ATP6V1A: variants seen among roughly 807,000 people sequenced by gnomAD.
The protein encoded by ATP6V1A is ATPase H+ transporting V1 subunit A.
A neutral mutation model predicts 70.1 loss-of-function variants in ATP6V1A; 18 were observed. The observed-to-expected ratio is 0.26, with a 90% CI of 0.18 to 0.38. The LOEUF (loss-of-function observed/expected upper bound fraction) is 0.38, where lower values mean the gene tolerates loss of function less well. Ranked by LOEUF, ATP6V1A falls within the 10% of genes least tolerant of loss-of-function variation. The probability of loss-of-function intolerance (pLI) is 1.00; values close to 1 mark genes in which losing one functional copy is unlikely to be tolerated. For synonymous variants in ATP6V1A, 232 were observed against 253.8 expected, an observed-to-expected ratio of 0.91 and a Z score of 0.82; for missense variants, 424 against 772.4, an observed-to-expected ratio of 0.55 and a Z score of 5.35.
At chr3:113,796,544 A>C (rs557400881) in intron 11 of ATP6V1A, among the ~76,000 whole-genome samples, 1 of 152,292 alleles carries the variant, frequency 6.6e-6, no homozygotes, top group Non-Finnish European at 1.5e-5. Flanking sequence ...CTGCCTAAGC[A>C]TTTGCTTTCC....
chr3:113,805,644 C>T (rs1368980340), intron 14 of ATP6V1A, 119 bp downstream of exon 14: 2 of 961,642 alleles, frequency 2.1e-6, no homozygotes, highest in South Asian at 1.7e-5. Flanking sequence ...TCTTGTCTCA[C>T]TGCAACCTCT....
chr3:113,772,465 C>T (rs535671631), intron 1 of ATP6V1A, among the ~76,000 whole-genome samples: 37 of 152,276 alleles, frequency 2.4e-4, no homozygotes, highest in South Asian at 6.2e-4. Context: ...CCATGGCTCA[C>T]GCCTGTAATC....
At chr3:113,792,862 A>T (rs767675463) in intron 8 of ATP6V1A, among the ~76,000 whole-genome samples, 4 of 152,192 alleles carry the variant, frequency 2.6e-5, no homozygotes, top group Non-Finnish European at 4.4e-5. Context: ...TGTACCCAGC[A>T]CTTAGATTTG....
At position 113,788,972 on chromosome 3, in the gene ATP6V1A, T is replaced by A. The variant is rs546576090; in HGVS notation, c.879+97T>A. On this transcript the variant is annotated intron_variant, in intron 7 of 14. Coordinates refer to ENST00000273398, the MANE Select transcript of ATP6V1A (RefSeq NM_001690.4). ...CTTTGTGTTGGGTCTGGAGCAATGC[T>A]GTCATTCGTCAAGGATCTTTAAGGA... 186 of 1,072,410 alleles carry A rather than the reference T, an allele frequency of 1.7e-4. 1 individual carries two copies. The Admixed American group carries it at 4.4e-3, about 26-fold the overall frequency. 66.4% of individuals were successfully genotyped at this position (1,072,410 alleles called of 1,614,324 possible).
chr3:113,764,711 C>A (rs1239263476), intron 1 of ATP6V1A, among the ~76,000 whole-genome samples: 3 of 151,982 alleles, frequency 2.0e-5, no homozygotes, highest in Non-Finnish European at 4.4e-5. Flanking sequence ...CCTAAAAATT[C>A]AAATGTGGGA....
rs188780524 is a variant in ATP6V1A, at chr3:113,803,845, T to C, written c.1589+168T>C. Among the ~76,000 whole-genome samples, 269 of 152,322 alleles carry C rather than the reference T, an allele frequency of 1.8e-3. 1 individual carries two copies. The highest frequency in any genetic ancestry group is 6.2e-3 in the African/African-American group (256 of 41,570). On this transcript the variant is annotated intron_variant, in intron 13 of 14. Transcript: ENST00000273398. Reference sequence around the variant, plus strand: ...TAGACATGATCTAATATGTCCCCTATCTTGATTTGCTCATTTGTCCAATTA... The same window carrying C: ...TAGACATGATCTAATATGTCCCCTACCTTGATTTGCTCATTTGTCCAATTA...
chr3:113,806,050 A>T (rs891539256), intron 14 of ATP6V1A, among the ~76,000 whole-genome samples: 2 of 152,134 alleles, frequency 1.3e-5, no homozygotes, highest in African/African-American at 4.8e-5. Context: ...AGGCAGGAGG[A>T]TGACTTGAGC....
intron 1 of ATP6V1A, among the ~76,000 whole-genome samples, chr3:113,774,311 G>GA (rs1249277048): frequency 6.6e-6 from 1 of 152,092 alleles, no homozygotes; most frequent in Non-Finnish European, 1.5e-5. Flanking sequence ...GGACACTTTA[G>GA]AAAAAAGGCA....
Position 113,789,801 on chromosome 3 carries a change from A to G in ATP6V1A, c.949A>G (p.Asn317Asp), listed in dbSNP as rs778536266. ...GACAGCTTTGGTAGCCAATACCTCC[A>G]ATATGCCTGTTGCTGCTAGAGAAGC... ...KRTALVANTS[N>D]MPVAAREASI... Residue 317 changes from asparagine to aspartate, a missense_variant, in exon 8 of 15, where the codon AAT becomes GAT. Physicochemically the swap from Asn to Asp is conservative, Grantham distance 23. Coordinates refer to ENST00000273398, the MANE Select transcript of ATP6V1A (RefSeq NM_001690.4). The G allele has an allele frequency of 6.2e-7, 1 of 1,612,468 alleles. No individual in the cohort carries two copies. Among genetic ancestry groups the G allele is most frequent in the Non-Finnish European group, 8.5e-7 (1 of 1,178,526 alleles).
intron 14 of ATP6V1A, among the ~76,000 whole-genome samples, 191 bp downstream of exon 14, chr3:113,805,716 G>A (rs1376400741): frequency 2.0e-5 from 3 of 152,068 alleles, no homozygotes; most frequent in East Asian, 1.9e-4. Context: ...CGACAGGTGC[G>A]TGCCAGCACG....
rs58516178 is a variant in ATP6V1A at position 113,749,263 on chromosome 3, T to TCACACACACACACACACA, written c.-14+2176_-14+2193dup. On this transcript the variant is annotated intron_variant, in intron 1 of 14. Transcript: ENST00000273398. ...AAAAAGCTTTGACATTATACACAGATCACACACACACACACACACACACAC... is the reference window on the plus strand; with the variant it reads ...AAAAAGCTTTGACATTATACACAGATCACACACACACACACACACACACACACACACACACACACACAC... 3.2e-4 allele frequency among the ~76,000 whole-genome samples: 45 copies of TCACACACACACACACACA among 141,260 alleles called. 1 individual carries two copies. The highest frequency in any genetic ancestry group is 1.1e-3 in the African/African-American group (42 of 37,952). The allele number at this position is 141,260 out of a possible 152,430, so 92.7% of individuals were successfully genotyped here. A position where few individuals can be genotyped will look rare whatever the true frequency, so the allele number is the denominator to read the frequency against.
chr3:113,792,902 A>G (rs996475602), intron 8 of ATP6V1A, among the ~76,000 whole-genome samples: 3 of 152,224 alleles, frequency 2.0e-5, no homozygotes, highest in African/African-American at 7.2e-5. Flanking sequence ...TTCTTGCTTT[A>G]TTAGATACCT....
intron 14 of ATP6V1A, among the ~76,000 whole-genome samples, chr3:113,809,095 G>GAA (rs140365108): frequency 8.0e-5 from 12 of 149,692 alleles, no homozygotes; most frequent in South Asian, 4.3e-4. Context: ...CTAAAAATAT[G>GAA]AAAAAAAAAA....
Position 113,805,394 on chromosome 3 carries a change from A to T in ATP6V1A, c.1630A>T (p.Met544Leu). Residue 544 changes from methionine to leucine, a missense_variant, in exon 14 of 15, where the codon ATG becomes TTG. Coordinates refer to ENST00000273398, the MANE Select transcript of ATP6V1A (RefSeq NM_001690.4). ...CAAGACAGTAGGGATGCTGTCCAAC[A>T]TGATTGCATTTTATGATATGGCTCG... is the stretch of plus-strand genomic sequence containing the variant. ...FYKTVGMLSN[M>L]IAFYDMARRA... is the part of the protein sequence containing the mutation. The T allele has an allele frequency of 6.2e-7, 1 of 1,614,134 alleles. No individual in the cohort carries two copies. The highest frequency in any genetic ancestry group is 8.5e-7 in the Non-Finnish European group (1 of 1,180,006).
intron 1 of ATP6V1A, among the ~76,000 whole-genome samples, chr3:113,764,644 A>G (rs1455832962): frequency 1.3e-5 from 2 of 152,160 alleles, no homozygotes; most frequent in African/African-American, 4.8e-5. Context: ...GCTTTAAATC[A>G]ATAGGATCTT....
At chr3:113,786,776 C>CTT (rs200785807) in intron 6 of ATP6V1A, among the ~76,000 whole-genome samples, 5 of 142,784 alleles carry the variant, frequency 3.5e-5, no homozygotes, top group Non-Finnish European at 6.2e-5. Flanking sequence ...TCTTCTTCTT[C>CTT]TTTTTTTTTT....
chr3:113,808,444 A>G (rs1337258793), intron 14 of ATP6V1A, among the ~76,000 whole-genome samples: 2 of 151,840 alleles, frequency 1.3e-5, no homozygotes, highest in Admixed American at 1.3e-4. Flanking sequence ...GGTGCACGCC[A>G]CCATGCCCAG....
rs1239380525 is a variant in ATP6V1A at position 113,795,186 on chromosome 3, G to A, written c.1208G>A (p.Ser403Asn). 1 of 1,614,110 alleles carries A rather than the reference G, an allele frequency of 6.2e-7. No individual in the cohort carries two copies. Among genetic ancestry groups the A allele is most frequent in the Non-Finnish European group, 8.5e-7 (1 of 1,179,990 alleles). The change falls in exon 10 of 15, where the codon AGT (serine) becomes AAT (asparagine). Residue 403 changes from serine (S) to asparagine (N), a missense_variant. By Grantham distance (46) the Ser-to-Asn change is conservative. Around this residue, in one of 9 missense-constraint regions of ATP6V1A, gnomAD observed 58 missense variants for 181.5 expected, o/e 0.32. Coordinates refer to ENST00000273398, the MANE Select transcript of ATP6V1A (RefSeq NM_001690.4). ...KCLGNPEREG[S>N]VSIVGAVSPP... ...CTTGGAAATCCTGAAAGAGAAGGGA[G>A]TGTCAGCATTGTAGGAGCGTAAGCA...
Position 113,809,780 on chromosome 3 carries a change from T to G in ATP6V1A, c.*353T>G, listed in dbSNP as rs1036177406. 2 of 158,448 alleles carry G rather than the reference T, an allele frequency of 1.3e-5. No homozygotes were observed. Among genetic ancestry groups the G allele is most frequent in the Non-Finnish European group, 2.8e-5 (2 of 71,790 alleles). The allele number at this position is 158,448 out of a possible 1,614,324, so 9.8% of individuals were successfully genotyped here. ...TTGTAAACAGGACTACTGCATGTAC[T>G]CTCTTTGCAGTGAATTTGGAATGGA... is the stretch of plus-strand genomic sequence containing the variant. On this transcript the variant is annotated 3_prime_UTR_variant, in exon 15 of 15. Coordinates refer to ENST00000273398, the MANE Select transcript of ATP6V1A (RefSeq NM_001690.4).
Sources: gnomAD v4.1 joint callset for allele counts (sites outside exome capture counted in the v4.1 genomes callset) on GRCh38, gnomAD v4.1.1 for gene constraint, gnomAD v4.1.1 regional missense constraint, MANE v1.5 for transcripts, NCBI Gene and HGNC (gene_info 2026-07-23, HGNC 2026-07-21) for gene names.